The following WASF2 variants were observed in gnomAD, a reference collection of about 807,000 sequenced individuals.
The protein encoded by WASF2 is actin-binding protein WASF2.
In WASF2, 14 loss-of-function variants were observed where a neutral mutation model predicts 45.0. That is an observed-to-expected ratio of 0.31 (90% CI 0.21 to 0.49). WASF2 has a LOEUF of 0.49. WASF2 is among the 20% of genes least tolerant of loss of function. WASF2 has a pLI of 0.99. For synonymous variants in WASF2, 200 were observed against 236.3 expected (o/e 0.85, Z 1.41); for missense variants, 439 against 636.1 (o/e 0.69, Z 3.33).
At chr1:27,462,817 G>A (rs1340452190) in intron 1 of WASF2, among the ~76,000 whole-genome samples, 2 of 152,076 alleles carry the variant, frequency 1.3e-5, no homozygotes, top group African/African-American at 4.8e-5. Flanking sequence ...GCAGGTGTTA[G>A]CTGCTTTTAT....
chr1:27,427,713 G>C (rs568962130), intron 2 of WASF2, among the ~76,000 whole-genome samples: 170 of 152,266 alleles, frequency 1.1e-3, no homozygotes, highest in African/African-American at 3.9e-3. Context: ...TAAAGGCTGG[G>C]CCTATTGCTA....
chr1:27,421,879 G>A (rs921511981), intron 2 of WASF2, among the ~76,000 whole-genome samples: 3 of 152,024 alleles, frequency 2.0e-5, no homozygotes, highest in Non-Finnish European at 2.9e-5. Flanking sequence ...AGGAGGTTGA[G>A]GCATGAGAAT....
intron 1 of WASF2, among the ~76,000 whole-genome samples, chr1:27,429,725 G>A (rs1479879201): frequency 6.6e-6 from 1 of 150,528 alleles, no homozygotes; most frequent in Non-Finnish European, 1.5e-5. Context: ...GCAGTGAGCT[G>A]AGATTGCGCC....
intron 1 of WASF2, among the ~76,000 whole-genome samples, chr1:27,444,825 A>G (rs919622042): frequency 3.3e-5 from 5 of 152,200 alleles, no homozygotes; most frequent in Non-Finnish European, 5.9e-5. Flanking sequence ...TCTTCAAGAG[A>G]CTATTATCTG....
intron 1 of WASF2, among the ~76,000 whole-genome samples, chr1:27,467,077 G>C (rs967485269): frequency 6.6e-6 from 1 of 151,026 alleles, no homozygotes; most frequent in African/African-American, 2.4e-5. Context: ...TAGCTGGGTT[G>C]GTGGTGCACG....
chr1:27,475,411 C>G (rs1024867030), intron 1 of WASF2, among the ~76,000 whole-genome samples: 5 of 152,162 alleles, frequency 3.3e-5, no homozygotes, highest in Non-Finnish European at 4.4e-5. Flanking sequence ...TTTCCTGATT[C>G]AGGGCTTCTG....
chr1:27,453,464 C>T (rs899137685), intron 1 of WASF2, among the ~76,000 whole-genome samples: 4 of 151,612 alleles, frequency 2.6e-5, no homozygotes, highest in East Asian at 3.9e-4. Context: ...TGGTGGTGGA[C>T]GCCTGTAATC....
chr1:27,439,956 A>G (rs1357531180), intron 1 of WASF2, among the ~76,000 whole-genome samples: 1 of 152,202 alleles, frequency 6.6e-6, no homozygotes. Flanking sequence ...GCCAAGATCC[A>G]TGCCACTGCC....
intron 3 of WASF2, 144 bp from the exon 4 acceptor site, chr1:27,418,566 G>C: frequency 1.7e-6 from 2 of 1,159,906 alleles, no homozygotes; most frequent in East Asian, 2.4e-5. Context: ...TCCCCCTCTG[G>C]GGAAGCCCCA....
chr1:27,417,652 T>C (rs1374566142), intron 4 of WASF2, among the ~76,000 whole-genome samples: 1 of 152,208 alleles, frequency 6.6e-6, no homozygotes, highest in Non-Finnish European at 1.5e-5. Context: ...GAGAGGGGCT[T>C]TGTCTATAAG....
intron 1 of WASF2, among the ~76,000 whole-genome samples, chr1:27,454,187 A>ATATATATT (rs1469446976): frequency 1.6e-4 from 2 of 12,774 alleles, no homozygotes; most frequent in African/African-American, 4.1e-4. Flanking sequence ...ATATATATAT[A>ATATATATT]TTTTTTTTTT....
rs147939972 is a variant in WASF2 at position 27,431,149 on chromosome 1, T to C, written c.-43-2216A>G. ...CTTATAACTTTGAACCTCCCTTTAA[T>C]AGTCACTGTGTGGCAGCTGTGCCTA... On this transcript the variant is annotated intron_variant, in intron 1 of 8. Transcript: ENST00000618852. 1.4e-4 allele frequency among the ~76,000 whole-genome samples: 22 copies of C among 152,324 alleles called. 1 individual carries two copies. The East Asian group carries it at 3.9e-3, about 27-fold the overall frequency.
At chr1:27,486,332 A>G (rs959370964) in intron 1 of WASF2, among the ~76,000 whole-genome samples, 1 of 152,138 alleles carries the variant, frequency 6.6e-6, no homozygotes, top group African/African-American at 2.4e-5. Flanking sequence ...GGTCCCAAGA[A>G]CTTTTTTTTT....
rs149762093 is a variant in WASF2 at position 27,476,950 on chromosome 1, G to A, written c.-44+13036C>T. On this transcript the variant is annotated intron_variant, in intron 1 of 8. Transcript: ENST00000618852. ...ATAGTTCAAACTATAATTATCAAAC[G>A]ATGAGCTCTAAAACTACCTGTTTTA... Among the ~76,000 whole-genome samples, 454 of 152,168 alleles carry A rather than the reference G, an allele frequency of 3.0e-3. 2 individuals carry two copies. The highest frequency in any genetic ancestry group is 9.9e-3 in the African/African-American group (410 of 41,516).
rs547377421 is a variant in WASF2, at chr1:27,460,336, G to C, written c.-44+29650C>G. Among the ~76,000 whole-genome samples the C allele has an allele frequency of 1.0e-3, 158 of 152,208 alleles. 1 individual carries two copies. The highest frequency in any genetic ancestry group is 3.5e-3 in the African/African-American group (144 of 41,540). ...CTGAGTGGTCTGGAGGGAAGTAAAAGAATTAGCAAAATCGAGAGAATATGA... is the reference window on the plus strand; with the variant it reads ...CTGAGTGGTCTGGAGGGAAGTAAAACAATTAGCAAAATCGAGAGAATATGA... On this transcript the variant is annotated intron_variant, in intron 1 of 8. Transcript: ENST00000618852.
Position 27,409,977 on chromosome 1 carries a change from G to A in WASF2, c.1054C>T (p.Pro352Ser). Residue 352 changes from proline (P) to serine (S), a missense_variant, in exon 8 of 9, where the codon CCC (proline) becomes TCC (serine). Pro to Ser is a moderately conservative substitution (Grantham distance 74). Coordinates refer to ENST00000618852, the MANE Select transcript of WASF2 (RefSeq NM_006990.5). Reference sequence around the variant, plus strand: ...TCAGGGTGAGGTGGGAAAGATGGGGGTGAGGGTGGTGGAGGCGTCCCTGGA... The same window carrying A: ...TCAGGGTGAGGTGGGAAAGATGGGGATGAGGGTGGTGGAGGCGTCCCTGGA... The part of the protein sequence containing the change: ...GSPGTPPPPS[P>S]PSFPPHPDFA... The A allele has an allele frequency of 6.2e-7, 1 of 1,613,618 alleles. No homozygotes were observed. The highest frequency in any genetic ancestry group is 8.5e-7 in the Non-Finnish European group (1 of 1,179,886).
Position 27,414,413 on chromosome 1 carries a change from T to C in WASF2, c.668+420A>G, listed in dbSNP as rs2016802068. On this transcript the variant is annotated intron_variant, in intron 6 of 8. Transcript: ENST00000618852. The surrounding 1 kb of genome is among the most constrained non-coding windows in gnomAD (Gnocchi z 4.1). Reference sequence around the variant, plus strand: ...GCTGACTGAAAAGTTGCTTTGGTGATGTGAACAGCTTTCTTGCCTAGCCCT... The same window carrying C: ...GCTGACTGAAAAGTTGCTTTGGTGACGTGAACAGCTTTCTTGCCTAGCCCT... Among the ~76,000 whole-genome samples the C allele has an allele frequency of 6.6e-6, 1 of 152,228 alleles. No individual in the cohort carries two copies. Among genetic ancestry groups the C allele is most frequent in the Non-Finnish European group, 1.5e-5 (1 of 68,038 alleles).
At chr1:27,473,572 A>G (rs978611449) in intron 1 of WASF2, among the ~76,000 whole-genome samples, 6 of 152,154 alleles carry the variant, frequency 3.9e-5, no homozygotes, top group African/African-American at 1.4e-4. Context: ...TCCTCACTTA[A>G]CTCATCAATA....
At chr1:27,418,002 T>C (rs751272695) in intron 4 of WASF2, among the ~76,000 whole-genome samples, 2 of 152,224 alleles carry the variant, frequency 1.3e-5, no homozygotes, top group Non-Finnish European at 2.9e-5. Flanking sequence ...CTGGCTTATA[T>C]GAAATTAAAC....
Sources: gnomAD v4.1 joint callset for allele counts (sites outside exome capture counted in the v4.1 genomes callset) on GRCh38, gnomAD v4.1.1 for gene constraint, Gnocchi (gnomAD v3.1) non-coding constraint, MANE v1.5 for transcripts, NCBI Gene and HGNC (gene_info 2026-07-23, HGNC 2026-07-21) for gene names.